Variants in HHIP observed in about 807,000 individuals in gnomAD.
HHIP encodes hedgehog-interacting protein.
Under a neutral mutation model 74.0 loss-of-function variants are expected in HHIP, and 12 were observed. The observed-to-expected ratio is 0.16, with a 90% CI of 0.10 to 0.26. The LOEUF is 0.26. Among genes scored for constraint, HHIP ranks in the 10% least tolerant of loss-of-function variants. The pLI is 1.00. For synonymous variants in HHIP, 309 were observed against 311.6 expected (o/e 0.99, Z 0.09); for missense variants, 788 against 845.0 (o/e 0.93, Z 0.84).
intron 4 of HHIP, among the ~76,000 whole-genome samples, chr4:144,677,581 G>A (rs540145903): frequency 6.6e-6 from 1 of 152,294 alleles, no homozygotes; most frequent in African/African-American, 2.4e-5. Flanking sequence ...AGTGTGGAAA[G>A]GGTACCACCC....
At chr4:144,652,869 C>T (rs911937011) in intron 2 of HHIP, 72 bp downstream of exon 2, 11 of 997,746 alleles carry the variant, frequency 1.1e-5, no homozygotes, top group Admixed American at 2.9e-5. Flanking sequence ...TACTTAAATG[C>T]TTATTTACAA....
chr4:144,675,321 T>C (rs1408935025), intron 4 of HHIP, among the ~76,000 whole-genome samples: 1 of 152,188 alleles, frequency 6.6e-6, no homozygotes, highest in Non-Finnish European at 1.5e-5. Flanking sequence ...CAGAATACAA[T>C]TAATTTTTCA....
At chr4:144,664,246 C>T (rs946172388) in intron 4 of HHIP, among the ~76,000 whole-genome samples, 3 of 152,182 alleles carry the variant, frequency 2.0e-5, no homozygotes, top group Non-Finnish European at 2.9e-5. Flanking sequence ...GCTAATTGTC[C>T]GGGTGACTGA....
chr4:144,716,231 A>G (rs1351542766), intron 10 of HHIP, among the ~76,000 whole-genome samples: 1 of 152,202 alleles, frequency 6.6e-6, no homozygotes, highest in Non-Finnish European at 1.5e-5. Context: ...GTTAATCAGA[A>G]TATTTTCTCT....
At chr4:144,664,981 A>G (rs1056516438) in intron 4 of HHIP, among the ~76,000 whole-genome samples, 3 of 152,264 alleles carry the variant, frequency 2.0e-5, no homozygotes, top group African/African-American at 7.2e-5. Flanking sequence ...CAACTTCTTT[A>G]TAGTTTAAAA....
At chr4:144,662,725 C>G (rs943604695) in intron 4 of HHIP, among the ~76,000 whole-genome samples, 1 of 152,014 alleles carries the variant, frequency 6.6e-6, no homozygotes, top group South Asian at 2.1e-4. Flanking sequence ...GCACATGCAG[C>G]GTTGTTATTG....
chr4:144,664,631 C>G (rs1448805281), intron 4 of HHIP, among the ~76,000 whole-genome samples: 1 of 152,176 alleles, frequency 6.6e-6, no homozygotes, highest in African/African-American at 2.4e-5. Context: ...ACACATTATA[C>G]ACACATACAC....
intron 4 of HHIP, among the ~76,000 whole-genome samples, chr4:144,704,452 T>C (rs945318256): frequency 1.3e-5 from 2 of 152,230 alleles, no homozygotes; most frequent in African/African-American, 2.4e-5. Context: ...ATGTGATAGA[T>C]GGTATCTCTA....
chr4:144,709,460 AC>A lies in HHIP; in HGVS notation c.1301+1150del, dbSNP rs529198912. 1.7e-3 allele frequency among the ~76,000 whole-genome samples: 256 copies of A among 152,240 alleles called. 2 individuals are homozygous for A. The highest frequency in any genetic ancestry group is 5.8e-3 in the African/African-American group (241 of 41,560). ...GGGGGTCCTGAACCTCAATGCAAAA[AC>A]ATGGGATGAGGTGCTTTACAGACCA... On this transcript the variant is annotated intron_variant, in intron 7 of 12. Transcript: ENST00000296575.
Position 144,738,831 on chromosome 4 carries a change from T to G in HHIP, c.*874T>G. The G allele has an allele frequency of 3.7e-6, 1 of 271,672 alleles. No homozygotes were observed. Among genetic ancestry groups the G allele is most frequent in the Non-Finnish European group, 5.6e-6 (1 of 177,158 alleles). 16.8% of individuals were successfully genotyped at this position (271,672 alleles called of 1,614,324 possible). On this transcript the variant is annotated 3_prime_UTR_variant, in exon 13 of 13. Transcript: ENST00000296575. The stretch of plus-strand genomic sequence containing the variant: ...AGAAAGCAAACAGTCTTTAATGTGC[T>G]GTGGATCTAATCTAGCAAGGTATCC...
At position 144,738,091 on chromosome 4, in the gene HHIP, GA is replaced by G. The variant is rs1731169320; in HGVS notation, c.*137del. On this transcript the variant is annotated 3_prime_UTR_variant, in exon 13 of 13. Coordinates refer to ENST00000296575, the MANE Select transcript of HHIP (RefSeq NM_022475.3). The stretch of plus-strand genomic sequence containing the variant: ...TTTATTAATTTAAAAATAATTTCCA[GA>G]AATGTGCAGATCCTCTGTGTGTATG... The G allele has an allele frequency of 1.5e-6, 2 of 1,354,340 alleles. No individual in the cohort carries two copies. The highest frequency in any genetic ancestry group is 4.1e-5 in the South Asian group (2 of 49,194). The allele number at this position is 1,354,340 out of a possible 1,614,324, so 83.9% of individuals were successfully genotyped here.
At chr4:144,711,150 C>G (rs952676083) in intron 7 of HHIP, among the ~76,000 whole-genome samples, 2 of 152,078 alleles carry the variant, frequency 1.3e-5, no homozygotes, top group African/African-American at 4.8e-5. Context: ...TAAAAGACCT[C>G]GATATTTGTA....
chr4:144,705,712 G>T (rs1459914289), intron 4 of HHIP, among the ~76,000 whole-genome samples: 1 of 152,206 alleles, frequency 6.6e-6, no homozygotes, highest in Admixed American at 6.5e-5. Context: ...AGAACATGAA[G>T]ATGTTTTAAT....
chr4:144,704,224 G>A (rs900197145), intron 4 of HHIP, among the ~76,000 whole-genome samples: 11 of 152,170 alleles, frequency 7.2e-5, no homozygotes, highest in South Asian at 2.1e-4. Flanking sequence ...TGACTTAAGA[G>A]TAGTCAAATT....
At chr4:144,733,395 C>T (rs968181387) in intron 11 of HHIP, among the ~76,000 whole-genome samples, 11 of 152,118 alleles carry the variant, frequency 7.2e-5, no homozygotes, top group African/African-American at 2.4e-5. Flanking sequence ...AGCCACCGTA[C>T]ATTTTAAATA....
In HHIP at chr4:144,724,680, A is replaced by T. The variant is rs6852812; in HGVS notation, c.1760+5724A>T. On this transcript the variant is annotated intron_variant, in intron 11 of 12. Transcript: ENST00000296575. ...TGTGTGTGTGTGTGTATATATATAT[A>T]TTTATATATATATATAAGTATATAT... is the stretch of plus-strand genomic sequence containing the variant. Among the ~76,000 whole-genome samples the T allele has an allele frequency of 1.8e-4, 17 of 94,982 alleles. No individual in the cohort carries two copies. The South Asian group carries it at 9.3e-3, about 52-fold the overall frequency. The allele number at this position is 94,982 out of a possible 152,430, so 62.3% of individuals were successfully genotyped here.
intron 11 of HHIP, among the ~76,000 whole-genome samples, chr4:144,734,210 A>C (rs953096004): frequency 6.6e-6 from 1 of 151,728 alleles, no homozygotes; most frequent in Non-Finnish European, 1.5e-5. Context: ...CTCAAAAGAA[A>C]TATAAAATTA....
chr4:144,667,964 T>C (rs1314963209), intron 4 of HHIP, among the ~76,000 whole-genome samples: 5 of 152,106 alleles, frequency 3.3e-5, no homozygotes, highest in Non-Finnish European at 7.4e-5. Flanking sequence ...AAAATTAACA[T>C]GAAATGGATG....
intron 2 of HHIP, among the ~76,000 whole-genome samples, chr4:144,655,889 T>C (rs1728546381): frequency 6.6e-6 from 1 of 152,078 alleles, no homozygotes; most frequent in Non-Finnish European, 1.5e-5. Flanking sequence ...ATTTATAGGG[T>C]GCTTTGTGGT....
Sources: gnomAD v4.1 joint callset for allele counts (sites outside exome capture counted in the v4.1 genomes callset) on GRCh38, gnomAD v4.1.1 for gene constraint, MANE v1.5 for transcripts, NCBI Gene and HGNC (gene_info 2026-07-23, HGNC 2026-07-21) for gene names.